Variants in OSBPL6 observed in about 807,000 individuals in gnomAD.
The protein encoded by OSBPL6 is oxysterol binding protein like 6, also known as oxysterol-binding protein-related protein 6.
Under a neutral mutation model 125.8 loss-of-function variants are expected in OSBPL6, and 49 were observed. That is an observed-to-expected ratio of 0.39 (90% CI 0.31 to 0.49). OSBPL6 has a LOEUF of 0.49. Among genes scored for constraint, OSBPL6 ranks in the 20% least tolerant of loss-of-function variants. OSBPL6 has a pLI of 0.88. For missense variants in OSBPL6, 986 were observed against 1,135.4 expected (o/e 0.87, Z 1.89); for synonymous variants, 394 against 391.8 (o/e 1.01, Z -0.07).
intron 1 of OSBPL6, among the ~76,000 whole-genome samples, chr2:178,263,806 C>T (rs1211623064): frequency 1.4e-5 from 2 of 147,810 alleles, no homozygotes; most frequent in African/African-American, 2.5e-5. Context: ...ACTGTGTACA[C>T]GTGTGTGTGT....
intron 13 of OSBPL6, 95 bp downstream of exon 13, chr2:178,361,910 G>C: frequency 6.8e-7 from 1 of 1,480,968 alleles, no homozygotes; most frequent in Non-Finnish European, 9.2e-7. Context: ...GAGGTGGCTA[G>C]TCATGGGGAT....
At chr2:178,313,951 A>G (rs1217275315) in intron 3 of OSBPL6, among the ~76,000 whole-genome samples, 5 of 152,258 alleles carry the variant, frequency 3.3e-5, no homozygotes, top group Non-Finnish European at 7.3e-5. Context: ...AAAACCAGAC[A>G]GTAAAAATGT....
intron 4 of OSBPL6, among the ~76,000 whole-genome samples, chr2:178,326,315 A>T (rs1211102564): frequency 1.3e-5 from 2 of 152,184 alleles, no homozygotes; most frequent in African/African-American, 4.8e-5. Context: ...TTGGGCGATT[A>T]TGACATTACT....
At chr2:178,234,401 G>A (rs886935200) in intron 1 of OSBPL6, among the ~76,000 whole-genome samples, 1 of 150,934 alleles carries the variant, frequency 6.6e-6, no homozygotes, top group African/African-American at 2.4e-5. Context: ...TTACCAGTGA[G>A]AGAGAGAGAG....
chr2:178,353,302 T>C (rs7559711), intron 12 of OSBPL6, among the ~76,000 whole-genome samples: 38,993 of 151,986 alleles, frequency 0.26, 5,283 homozygotes, highest in Admixed American at 0.38. Context: ...CTTCTCCGAG[T>C]TAAAGGAGCA....
At chr2:178,262,174 C>G (rs554506625) in intron 1 of OSBPL6, among the ~76,000 whole-genome samples, 2 of 152,204 alleles carry the variant, frequency 1.3e-5, no homozygotes, top group South Asian at 4.1e-4. Flanking sequence ...ATTTTACTTA[C>G]TTATAGGAAA....
intron 11 of OSBPL6, among the ~76,000 whole-genome samples, chr2:178,343,026 T>C (rs1411916997): frequency 6.6e-6 from 1 of 152,192 alleles, no homozygotes; most frequent in Admixed American, 6.5e-5. Context: ...ATGACAAACA[T>C]ATACATATAT....
At chr2:178,382,114 G>A (rs1228375044) in intron 15 of OSBPL6, among the ~76,000 whole-genome samples, 1 of 152,168 alleles carries the variant, frequency 6.6e-6, no homozygotes, top group African/African-American at 2.4e-5. Flanking sequence ...AAAAACGCAA[G>A]TACTCTTGCA....
At chr2:178,215,861 G>A (rs911929242) in intron 1 of OSBPL6, among the ~76,000 whole-genome samples, 5 of 152,184 alleles carry the variant, frequency 3.3e-5, no homozygotes, top group Non-Finnish European at 5.9e-5. Flanking sequence ...TGGGGCAGGT[G>A]AAGGGGACAA....
Position 178,328,287 on chromosome 2 carries a change from T to G in OSBPL6, c.227T>G (p.Leu76Arg), listed in dbSNP as rs926581109. 2 of 1,613,910 alleles carry G rather than the reference T, an allele frequency of 1.2e-6. No individual in the cohort carries two copies. Among genetic ancestry groups the G allele is most frequent in the Non-Finnish European group, 1.7e-6 (2 of 1,179,834 alleles). ...GACAGCTGGGAAATTATAGAAGGGC[T>G]GAAAATAGGCCAAACCAATGTCCAG... Reference protein sequence around the residue: ...EADSWEIIEGLKIGQTNVQKP... With the variant: ...EADSWEIIEGRKIGQTNVQKP... Residue 76 changes from leucine (L) to arginine (R), a missense_variant, in exon 5 of 25, where the codon CTG (leucine) becomes CGG (arginine). Leu to Arg is a moderately radical substitution (Grantham distance 102, BLOSUM62 -2). Coordinates refer to ENST00000190611, the MANE Select transcript of OSBPL6 (RefSeq NM_032523.4).
At chr2:178,368,263 A>C (rs545363755) in intron 13 of OSBPL6, among the ~76,000 whole-genome samples, 1 of 152,280 alleles carries the variant, frequency 6.6e-6, no homozygotes. Context: ...CTGTACGATC[A>C]AGGCAAAAGG....
At chr2:178,391,350 G>C in intron 22 of OSBPL6, 133 bp downstream of exon 22, 1 of 883,408 alleles carries the variant, frequency 1.1e-6, no homozygotes. Context: ...GATGCTTATG[G>C]CAATTATAGT....
intron 1 of OSBPL6, among the ~76,000 whole-genome samples, chr2:178,251,656 TG>T (rs1285761723): frequency 1.3e-5 from 2 of 152,174 alleles, no homozygotes; most frequent in Non-Finnish European, 2.9e-5. Flanking sequence ...TGAAGGCAGT[TG>T]TTCTTTCTGA....
chr2:178,353,359 G>A (rs980271097), intron 12 of OSBPL6, among the ~76,000 whole-genome samples: 1 of 152,192 alleles, frequency 6.6e-6, no homozygotes, highest in Non-Finnish European at 1.5e-5. Context: ...AAAAAGGTTA[G>A]ACGAATGGCT....
At chr2:178,195,178 G>A (rs2088802286) in intron 1 of OSBPL6, among the ~76,000 whole-genome samples, 1 of 152,196 alleles carries the variant, frequency 6.6e-6, no homozygotes, top group Non-Finnish European at 1.5e-5. Flanking sequence ...AAGCCGAGAG[G>A]AGCGGCTGGG....
intron 1 of OSBPL6, among the ~76,000 whole-genome samples, chr2:178,210,566 G>A (rs1163681098): frequency 2.0e-5 from 3 of 152,084 alleles, no homozygotes; most frequent in Admixed American, 6.5e-5. Context: ...CTAGCACTTT[G>A]GGAGGCTGAG....
chr2:178,261,747 A>G (rs567354349), intron 1 of OSBPL6, among the ~76,000 whole-genome samples: 3 of 152,370 alleles, frequency 2.0e-5, no homozygotes, highest in Admixed American at 6.5e-5. Flanking sequence ...AACAGATTAT[A>G]GAAGTTCAAA....
chr2:178,316,947 C>T (rs1002179314), intron 3 of OSBPL6, among the ~76,000 whole-genome samples: 3 of 151,666 alleles, frequency 2.0e-5, no homozygotes, highest in Non-Finnish European at 4.4e-5. Flanking sequence ...AAAAATAGTA[C>T]AATTTTTATT....
chr2:178,274,165 A>G (rs1252401118), intron 1 of OSBPL6, among the ~76,000 whole-genome samples: 1 of 152,176 alleles, frequency 6.6e-6, no homozygotes, highest in Non-Finnish European at 1.5e-5. Flanking sequence ...TAGTTATTGC[A>G]AGCTAGTAAA....
Sources: allele counts gnomAD v4.1 joint callset (sites outside exome capture counted in the v4.1 genomes callset), GRCh38; gene constraint gnomAD v4.1.1; transcripts MANE v1.5; gene names NCBI Gene and HGNC (gene_info 2026-07-23, HGNC 2026-07-21).